Variants in GABRB2 observed in about 807,000 individuals in gnomAD.
GABRB2 encodes gamma-aminobutyric acid type A receptor subunit beta2.
Under a neutral mutation model 54.7 loss-of-function variants are expected in GABRB2, and 16 were observed. That is an observed-to-expected ratio of 0.29 (90% CI 0.20 to 0.44). GABRB2 has a LOEUF of 0.44. GABRB2 is among the 20% of genes least tolerant of loss of function. The pLI, the probability that GABRB2 is intolerant of heterozygous loss-of-function variation, is 1.00. For synonymous variants in GABRB2, 244 were observed against 233.8 expected (o/e 1.04, Z -0.40); for missense variants, 355 against 644.0 (o/e 0.55, Z 4.86).
intron 6 of GABRB2, among the ~76,000 whole-genome samples, chr5:161,335,532 T>C (rs1325473676): frequency 6.6e-6 from 1 of 152,116 alleles, no homozygotes; most frequent in Non-Finnish European, 1.5e-5. Context: ...CTGGGTTCTT[T>C]GATTGGATGA....
intron 5 of GABRB2, among the ~76,000 whole-genome samples, chr5:161,342,042 T>A (rs896156831): frequency 6.7e-5 from 10 of 150,278 alleles, no homozygotes; most frequent in Non-Finnish European, 1.3e-4. Flanking sequence ...TTTTAAACTT[T>A]GTTTCTCATT....
chr5:161,429,357 A>AAAAAAAAAAAAAAAAAAAAAAAAAAT (rs1402875797), intron 4 of GABRB2, among the ~76,000 whole-genome samples: 1 of 108,246 alleles, frequency 9.2e-6, no homozygotes, highest in African/African-American at 3.3e-5. Context: ...AAAAAAAAAA[A>AAAAAAAAAAAAAAAAAAAAAAAAAAT]AGAAAAAGAA....
chr5:161,536,973 G>A (rs981825629), intron 3 of GABRB2, among the ~76,000 whole-genome samples: 2 of 151,716 alleles, frequency 1.3e-5, no homozygotes, highest in Admixed American at 1.3e-4. Context: ...TGTAGTCTTC[G>A]ACCACCGAAA....
intron 4 of GABRB2, among the ~76,000 whole-genome samples, chr5:161,454,195 T>C (rs1757879375): frequency 6.6e-6 from 1 of 152,146 alleles, no homozygotes; most frequent in Non-Finnish European, 1.5e-5. Context: ...ATGAAAATTA[T>C]TGAAGGCATG....
At chr5:161,480,107 A>G (rs936961413) in intron 3 of GABRB2, among the ~76,000 whole-genome samples, 1 of 152,004 alleles carries the variant, frequency 6.6e-6, no homozygotes, top group South Asian at 2.1e-4. Context: ...ATCAAATGTC[A>G]GTCAGTACAA....
At chr5:161,453,089 A>G (rs899157603) in intron 4 of GABRB2, among the ~76,000 whole-genome samples, 3 of 152,202 alleles carry the variant, frequency 2.0e-5, no homozygotes, top group African/African-American at 7.2e-5. Flanking sequence ...GGAATAGACC[A>G]TATTTCAGTC....
chr5:161,479,245 A>G (rs1001649211), intron 3 of GABRB2, among the ~76,000 whole-genome samples: 2 of 152,068 alleles, frequency 1.3e-5, no homozygotes, highest in African/African-American at 4.8e-5. Flanking sequence ...TCTACATCAG[A>G]TATTCTTTAT....
chr5:161,463,700 T>C (rs979594390), intron 3 of GABRB2, among the ~76,000 whole-genome samples: 9 of 149,062 alleles, frequency 6.0e-5, no homozygotes, highest in Admixed American at 2.0e-4. Context: ...AAATACTTAC[T>C]AATACTACCA....
At chr5:161,450,370 T>C (rs1040682767) in intron 4 of GABRB2, among the ~76,000 whole-genome samples, 3 of 152,188 alleles carry the variant, frequency 2.0e-5, no homozygotes, top group African/African-American at 7.2e-5. Context: ...GCTTTTCCTC[T>C]TTAAGTGTTT....
intron 3 of GABRB2, among the ~76,000 whole-genome samples, chr5:161,521,983 A>G (rs528453651): frequency 6.6e-6 from 1 of 152,052 alleles, no homozygotes; most frequent in South Asian, 2.1e-4. Context: ...CCTTTCTAGC[A>G]TTACTAAGCT....
At chr5:161,317,055 T>C (rs1758061103) in intron 9 of GABRB2, among the ~76,000 whole-genome samples, 1 of 152,080 alleles carries the variant, frequency 6.6e-6, no homozygotes, top group Admixed American at 6.6e-5. Flanking sequence ...TGCATGTGTG[T>C]GGCAGGTGTG....
chr5:161,441,647 T>G (rs1037711667), intron 4 of GABRB2, among the ~76,000 whole-genome samples: 5 of 152,190 alleles, frequency 3.3e-5, no homozygotes, highest in Non-Finnish European at 1.5e-5. Context: ...TAGATTTCTG[T>G]ACTCCTATGT....
In GABRB2 at chr5:161,546,305, C is replaced by T; in HGVS notation, c.169+17G>A. The T allele has an allele frequency of 1.2e-6, 2 of 1,608,150 alleles. No homozygotes were observed. Among genetic ancestry groups the T allele is most frequent in the Non-Finnish European group, 1.7e-6 (2 of 1,174,498 alleles). ...CTTCGGCTGTGGCTGGACTTATTTG[C>T]AAGGCAACCCCATTACCTCCAAAAT... On this transcript the variant is annotated intron_variant, in intron 2 of 9. Transcript: ENST00000393959.
chr5:161,341,212 A>C (rs1754144788), intron 5 of GABRB2, among the ~76,000 whole-genome samples: 1 of 151,982 alleles, frequency 6.6e-6, no homozygotes, highest in African/African-American at 2.4e-5. Flanking sequence ...AATATTTAGC[A>C]GTCTCTCAAA....
chr5:161,378,737 G>A (rs1333502098), intron 5 of GABRB2, among the ~76,000 whole-genome samples: 1 of 92,236 alleles, frequency 1.1e-5, no homozygotes, highest in Non-Finnish European at 2.7e-5. Flanking sequence ...GAAAGTTACA[G>A]CTACTAGAAG....
chr5:161,307,505 T>C (rs2113356801), intron 9 of GABRB2, among the ~76,000 whole-genome samples: 1 of 152,346 alleles, frequency 6.6e-6, no homozygotes, highest in East Asian at 1.9e-4. Context: ...AGGTTTGGAA[T>C]CAGCTTTGAA....
chr5:161,420,816 A>G (rs1173442957), intron 4 of GABRB2, among the ~76,000 whole-genome samples: 1 of 152,170 alleles, frequency 6.6e-6, no homozygotes, highest in Non-Finnish European at 1.5e-5. Flanking sequence ...GATAGAATAC[A>G]TTGCAGAAGT....
chr5:161,392,827 G>A (rs548153806), intron 5 of GABRB2, among the ~76,000 whole-genome samples: 8 of 152,076 alleles, frequency 5.3e-5, no homozygotes, highest in Non-Finnish European at 1.0e-4. Context: ...CTAAATTAGA[G>A]GGTTAAGTAA....
chr5:161,417,190 T>A (rs1431085846), intron 4 of GABRB2, among the ~76,000 whole-genome samples: 1 of 152,224 alleles, frequency 6.6e-6, no homozygotes, highest in Non-Finnish European at 1.5e-5. Flanking sequence ...CCTTATAATA[T>A]GCTCTTATGT....
Sources: gnomAD v4.1 joint callset for allele counts (sites outside exome capture counted in the v4.1 genomes callset) on GRCh38, gnomAD v4.1.1 for gene constraint, MANE v1.5 for transcripts, NCBI Gene and HGNC (gene_info 2026-07-23, HGNC 2026-07-21) for gene names.